MPPED2: variants seen among roughly 807,000 people sequenced by gnomAD.
The protein encoded by MPPED2 is metallophosphoesterase MPPED2.
A neutral mutation model predicts 33.0 loss-of-function variants in MPPED2; 5 were observed. The observed-to-expected ratio is 0.15, with a 90% confidence interval of 0.08 to 0.32. The LOEUF (loss-of-function observed/expected upper bound fraction) is 0.32. Among genes scored for constraint, MPPED2 ranks in the 10% least tolerant of loss-of-function variants. MPPED2 has a pLI of 1.00. For missense variants in MPPED2, 275 were observed against 372.1 expected (o/e 0.74, Z 2.15); for synonymous variants, 136 against 141.9 (o/e 0.96, Z 0.29).
intron 4 of MPPED2, chr11:30,452,201 C>A (rs1950091807): frequency 1.9e-6 from 1 of 523,648 alleles, no homozygotes; most frequent in Admixed American, 6.4e-5. Flanking sequence ...ATCCTCCCTG[C>A]ACCCAGCACT....
At chr11:30,527,530 G>A (rs1053954961) in intron 3 of MPPED2, among the ~76,000 whole-genome samples, 1 of 152,124 alleles carries the variant, frequency 6.6e-6, no homozygotes, top group Middle Eastern at 3.4e-3. Context: ...GGGGAACAGA[G>A]GGGAGAGGAC....
chr11:30,417,593 C>A lies in MPPED2; in HGVS notation c.577G>T (p.Gly193Cys). The A allele has an allele frequency of 6.2e-7, 1 of 1,613,334 alleles. No individual in the cohort carries two copies. Among genetic ancestry groups the A allele is most frequent in the Non-Finnish European group, 8.5e-7 (1 of 1,179,556 alleles). ...FNGWGFNLPR[G>C]QSLLDKWNLI... ...TTCCACTTGTCCAGCAGAGACTGAC[C>A]TCTGGGTAGGTTAAAGCCCCATCCA... The change falls in exon 5 of 7, where the codon GGT becomes TGT. Residue 193 changes from glycine to cysteine, a missense_variant. By Grantham distance (159) the Gly-to-Cys change is radical. Transcript: ENST00000358117.
intron 4 of MPPED2, among the ~76,000 whole-genome samples, chr11:30,483,344 T>C (rs1011298641): frequency 5.9e-5 from 9 of 152,260 alleles, no homozygotes; most frequent in Admixed American, 5.2e-4. Context: ...AGCATCAGCA[T>C]AGGCTAAAAT....
intron 4 of MPPED2, chr11:30,425,734 C>T (rs1181427208): frequency 1.3e-5 from 2 of 152,168 alleles, no homozygotes; most frequent in African/African-American, 4.8e-5. Flanking sequence ...GCTGGTCCTG[C>T]TCAGCCCTGG....
intron 5 of MPPED2, among the ~76,000 whole-genome samples, chr11:30,415,686 A>G (rs1948318620): frequency 1.3e-5 from 2 of 152,030 alleles, no homozygotes; most frequent in South Asian, 4.2e-4. Flanking sequence ...TCTCTCATTT[A>G]CTCCACCTTT....
At chr11:30,516,803 T>C (rs1953558617) in intron 3 of MPPED2, among the ~76,000 whole-genome samples, 1 of 152,116 alleles carries the variant, frequency 6.6e-6, no homozygotes, top group African/African-American at 2.4e-5. Context: ...CCAGAAGAAA[T>C]TCATTTTGTG....
rs1461642784 is a variant in MPPED2 at position 30,440,920 on chromosome 11, A to G, written c.537-23287T>C. ...GAATCGTAATATGTCTGGGCTTAAA[A>G]ACGGGTGCTTTGCTCAAACATATAT... On this transcript the variant is annotated intron_variant, in intron 4 of 6. Coordinates refer to ENST00000358117, the MANE Select transcript of MPPED2 (RefSeq NM_001584.3). 2.6e-5 allele frequency among the ~76,000 whole-genome samples: 4 copies of G among 152,178 alleles called. No individual in the cohort carries two copies. The East Asian group carries it at 7.7e-4, about 29-fold the overall frequency.
At chr11:30,385,249 G>A (rs907488639) in exon 7 of MPPED2, 1 of 152,196 alleles carries the variant, frequency 6.6e-6, no homozygotes, top group Non-Finnish European at 1.5e-5. Context: ...CAAGGTACTA[G>A]TTTAGGTGAA....
At chr11:30,429,782 G>T (rs909793389) in intron 4 of MPPED2, among the ~76,000 whole-genome samples, 3 of 152,070 alleles carry the variant, frequency 2.0e-5, no homozygotes, top group Non-Finnish European at 4.4e-5. Context: ...AGCCCTCAAG[G>T]CTCAATTCAT....
intron 4 of MPPED2, among the ~76,000 whole-genome samples, chr11:30,427,416 T>C (rs1218027093): frequency 6.6e-6 from 1 of 152,216 alleles, no homozygotes; most frequent in Non-Finnish European, 1.5e-5. Flanking sequence ...GATATACAGT[T>C]GGGGAGCATT....
At chr11:30,452,844 A>C (rs560335607) in intron 4 of MPPED2, among the ~76,000 whole-genome samples, 1 of 152,268 alleles carries the variant, frequency 6.6e-6, no homozygotes, top group East Asian at 1.9e-4. Context: ...GTGGCTCTGC[A>C]AAAAGGATGG....
At chr11:30,579,164 T>C (rs540353997) in intron 2 of MPPED2, among the ~76,000 whole-genome samples, 11 of 151,802 alleles carry the variant, frequency 7.2e-5, no homozygotes. Flanking sequence ...CCCTTTTGTT[T>C]GGTTAGCGTT....
At chr11:30,568,930 T>C (rs1205018861) in intron 2 of MPPED2, among the ~76,000 whole-genome samples, 1 of 152,156 alleles carries the variant, frequency 6.6e-6, no homozygotes, top group Non-Finnish European at 1.5e-5. Flanking sequence ...TTTTTTTTTG[T>C]TCTCTTTTGT....
rs1004220361 is a variant in MPPED2, at chr11:30,455,888, T to C, written c.537-38255A>G. Among the ~76,000 whole-genome samples the C allele has an allele frequency of 5.9e-5, 9 of 152,220 alleles. No homozygotes were observed. The South Asian group carries it at 1.0e-3, about 18-fold the overall frequency. On this transcript the variant is annotated intron_variant, in intron 4 of 6. Coordinates refer to ENST00000358117, the MANE Select transcript of MPPED2 (RefSeq NM_001584.3). ...CTGACAGCCGTTCTGCTCTGCAAGATTGACATAGTGACGCTTTGACCAAGA... is the reference window on the plus strand; with the variant it reads ...CTGACAGCCGTTCTGCTCTGCAAGACTGACATAGTGACGCTTTGACCAAGA...
intron 4 of MPPED2, among the ~76,000 whole-genome samples, chr11:30,434,718 C>T (rs1949246221): frequency 6.6e-6 from 1 of 152,100 alleles, no homozygotes; most frequent in Admixed American, 6.6e-5. Context: ...CAACCTGGCA[C>T]ATAAGAAGCT....
At chr11:30,450,132 T>C (rs1021098138) in intron 4 of MPPED2, among the ~76,000 whole-genome samples, 1 of 152,164 alleles carries the variant, frequency 6.6e-6, no homozygotes, top group Non-Finnish European at 1.5e-5. Context: ...CATAAGAGGG[T>C]AGAGGAAAGG....
At chr11:30,516,732 G>A (rs1953555103) in intron 3 of MPPED2, among the ~76,000 whole-genome samples, 1 of 152,098 alleles carries the variant, frequency 6.6e-6, no homozygotes, top group Non-Finnish European at 1.5e-5. Context: ...GGAATTTTGA[G>A]AACCAAGTCC....
intron 3 of MPPED2, among the ~76,000 whole-genome samples, chr11:30,522,947 CTG>C (rs1015613912): frequency 6.6e-6 from 1 of 152,158 alleles, no homozygotes; most frequent in Non-Finnish European, 1.5e-5. Flanking sequence ...TTTAAAATAA[CTG>C]TGTTTAAAGC....
chr11:30,446,274 A>G lies in MPPED2; in HGVS notation c.537-28641T>C, dbSNP rs573565368. On this transcript the variant is annotated intron_variant, in intron 4 of 6. Coordinates refer to ENST00000358117, the MANE Select transcript of MPPED2 (RefSeq NM_001584.3). ...TTCACCCATTGAGAATTTCTCCTGA[A>G]AAGACTCATCATTCAGCTCAGCCTG... Among the ~76,000 whole-genome samples the G allele has an allele frequency of 1.8e-4, 27 of 152,312 alleles. 1 individual carries two copies. In the South Asian group the frequency reaches 5.6e-3, roughly 32 times the overall value.
Sources: allele counts gnomAD v4.1 joint callset (sites outside exome capture counted in the v4.1 genomes callset), GRCh38; gene constraint gnomAD v4.1.1; transcripts MANE v1.5; gene names NCBI Gene and HGNC (gene_info 2026-07-23, HGNC 2026-07-21).